CDH8: variants seen among roughly 807,000 people sequenced by gnomAD.
CDH8 encodes cadherin 8.
CDH8 carries 17 observed loss-of-function variants against 68.1 expected under a neutral mutation model. The observed-to-expected ratio is 0.25, with a 90% CI of 0.17 to 0.37. CDH8 has a LOEUF of 0.37. Among genes scored for constraint, CDH8 ranks in the 10% least tolerant of loss-of-function variants. The probability of loss-of-function intolerance (pLI) is 1.00; values close to 1 mark genes in which losing one functional copy is unlikely to be tolerated. For missense variants in CDH8, 763 were observed against 999.3 expected (o/e 0.76, Z 3.19); for synonymous variants, 372 against 365.1 (o/e 1.02, Z -0.21).
chr16:61,960,294 C>CAT (rs1435811908), intron 2 of CDH8, among the ~76,000 whole-genome samples: 1 of 90,358 alleles, frequency 1.1e-5, no homozygotes, highest in African/African-American at 8.1e-5. Context: ...CACATATATA[C>CAT]GTGTGTGTGT....
intron 10 of CDH8, among the ~76,000 whole-genome samples, chr16:61,707,129 A>G (rs1373746703): frequency 6.6e-6 from 1 of 152,120 alleles, no homozygotes; most frequent in Non-Finnish European, 1.5e-5. Flanking sequence ...CATATTATTA[A>G]TCATCTCCCA....
intron 2 of CDH8, among the ~76,000 whole-genome samples, chr16:62,012,237 C>T (rs1183708781): frequency 2.6e-5 from 4 of 152,140 alleles, no homozygotes; most frequent in African/African-American, 9.7e-5. Flanking sequence ...TTACAGGCAA[C>T]CTGTAGGCTG....
At chr16:61,681,089 G>A (rs1417486528) in intron 10 of CDH8, among the ~76,000 whole-genome samples, 1 of 151,874 alleles carries the variant, frequency 6.6e-6, no homozygotes, top group Non-Finnish European at 1.5e-5. Context: ...ATGTACAATG[G>A]GGTAGTCACT....
At chr16:62,034,205 A>G (rs1902396870) in intron 1 of CDH8, among the ~76,000 whole-genome samples, 1 of 151,452 alleles carries the variant, frequency 6.6e-6, no homozygotes. Context: ...ACACACACAC[A>G]CACACACACA....
intron 8 of CDH8, among the ~76,000 whole-genome samples, chr16:61,768,329 T>C (rs1596949453): frequency 2.7e-5 from 3 of 109,956 alleles, no homozygotes; most frequent in African/African-American, 1.1e-4. Context: ...TCTCTCTCTC[T>C]CTCTCTCTCT....
intron 8 of CDH8, among the ~76,000 whole-genome samples, chr16:61,755,486 T>C (rs1439165069): frequency 6.6e-6 from 1 of 152,118 alleles, no homozygotes; most frequent in Non-Finnish European, 1.5e-5. Context: ...ACTGTTACTT[T>C]CAGTTAAATA....
chr16:61,823,006 T>A (rs146522677), intron 5 of CDH8, among the ~76,000 whole-genome samples: 1 of 151,940 alleles, frequency 6.6e-6, no homozygotes, highest in East Asian at 1.9e-4. Flanking sequence ...TTTCTTATAA[T>A]GAAATATGGC....
chr16:61,913,346 A>G (rs1005854925), intron 2 of CDH8, among the ~76,000 whole-genome samples: 59 of 152,282 alleles, frequency 3.9e-4, no homozygotes, highest in African/African-American at 1.4e-3. Context: ...CAGATTTTCA[A>G]TTAGGGATGC....
In CDH8 at chr16:61,652,340, T is replaced by C. The variant is rs1303118143; in HGVS notation, c.*1268A>G. The C allele has an allele frequency of 1.0e-6, 1 of 984,762 alleles. No homozygotes were observed. Among genetic ancestry groups the C allele is most frequent in the African/African-American group, 1.7e-5 (1 of 57,218 alleles). 61.0% of individuals were successfully genotyped at this position (984,762 alleles called of 1,614,324 possible). ...CCTGCTCTAAAACTGTGGGGGTAAATTGAAGCATGTTTATTGGGCAGGGCA... is the reference window on the plus strand; with the variant it reads ...CCTGCTCTAAAACTGTGGGGGTAAACTGAAGCATGTTTATTGGGCAGGGCA... On this transcript the variant is annotated 3_prime_UTR_variant, in exon 12 of 12. Coordinates refer to ENST00000577390, the MANE Select transcript of CDH8 (RefSeq NM_001796.5).
At chr16:61,885,711 CAAA>C (rs5817322) in intron 3 of CDH8, among the ~76,000 whole-genome samples, 15 of 116,396 alleles carry the variant, frequency 1.3e-4, no homozygotes, top group Admixed American at 1.7e-4. Context: ...AATAGCAATC[CAAA>C]AAAAAAAAAA....
chr16:61,661,030 T>C (rs1963546622), intron 10 of CDH8, among the ~76,000 whole-genome samples: 1 of 151,894 alleles, frequency 6.6e-6, no homozygotes, highest in Admixed American at 6.6e-5. Flanking sequence ...AAAAAGACAA[T>C]ATAAATGCAT....
chr16:61,651,314 G>A lies in CDH8; in HGVS notation c.*2294C>T, dbSNP rs544430469. The A allele has an allele frequency of 6.6e-6, 1 of 152,238 alleles. No homozygotes were observed. The highest frequency in any genetic ancestry group is 2.1e-4 in the South Asian group (1 of 4,830). 9.4% of individuals were successfully genotyped at this position (152,238 alleles called of 1,614,324 possible). ...AAGTCCTAGTATATTTTAAAGTCAT[G>A]TTGGACCATCCCTTTGACCTCAAGA... On this transcript the variant is annotated 3_prime_UTR_variant, in exon 12 of 12. Transcript: ENST00000577390.
At chr16:61,819,305 G>A (rs1361531133) in intron 6 of CDH8, among the ~76,000 whole-genome samples, 2 of 151,958 alleles carry the variant, frequency 1.3e-5, no homozygotes, top group Non-Finnish European at 2.9e-5. Context: ...TATAGTATAT[G>A]CTTCCAAGTT....
chr16:62,015,208 T>C (rs551206891), intron 2 of CDH8, among the ~76,000 whole-genome samples: 38 of 152,294 alleles, frequency 2.5e-4, no homozygotes, highest in African/African-American at 8.9e-4. Context: ...TATAGAAAAT[T>C]TCCCTCAGGC....
intron 2 of CDH8, among the ~76,000 whole-genome samples, chr16:62,014,263 C>T (rs1175828041): frequency 6.6e-6 from 1 of 152,100 alleles, no homozygotes; most frequent in Non-Finnish European, 1.5e-5. Context: ...TAATATTATT[C>T]TCTTTATTTA....
At chr16:61,957,007 T>C (rs975168308) in intron 2 of CDH8, among the ~76,000 whole-genome samples, 1 of 152,212 alleles carries the variant, frequency 6.6e-6, no homozygotes, top group Non-Finnish European at 1.5e-5. Context: ...TATTTCCAAC[T>C]GATTTTCAGA....
chr16:61,738,358 T>C (rs1266291388), intron 8 of CDH8, among the ~76,000 whole-genome samples: 3 of 152,188 alleles, frequency 2.0e-5, no homozygotes, highest in Non-Finnish European at 2.9e-5. Context: ...GAGTTCTGTA[T>C]AACCACTTGG....
At chr16:61,849,258 C>T (rs1342743434) in intron 4 of CDH8, among the ~76,000 whole-genome samples, 1 of 151,724 alleles carries the variant, frequency 6.6e-6, no homozygotes, top group East Asian at 1.9e-4. Context: ...TTTGAAAGAC[C>T]TGTCTCCCGC....
chr16:61,768,314 T>TTCTCTCTCTCTCTCTCTCTCTCTC lies in CDH8; in HGVS notation c.1414+21008_1414+21031dup, dbSNP rs1206629963. 4.1e-4 allele frequency among the ~76,000 whole-genome samples: 7 copies of TTCTCTCTCTCTCTCTCTCTCTCTC among 17,206 alleles called. 1 individual carries two copies. Among genetic ancestry groups the TTCTCTCTCTCTCTCTCTCTCTCTC allele is most frequent in the Admixed American group, 1.7e-3 (2 of 1,168 alleles). 11.3% of individuals were successfully genotyped at this position (17,206 alleles called of 152,430 possible). On this transcript the variant is annotated intron_variant, in intron 8 of 11. Transcript: ENST00000577390. ...AGGCTCTCTCTCTGTGTCTCTCCCT[T>TTCTCTCTCTCTCTCTCTCTCTCTC]TCTCTCTCTCTCTCTCTCTCTCTCT... is the stretch of plus-strand genomic sequence containing the variant.
Sources: allele counts gnomAD v4.1 joint callset (sites outside exome capture counted in the v4.1 genomes callset), GRCh38; gene constraint gnomAD v4.1.1; transcripts MANE v1.5; gene names NCBI Gene and HGNC (gene_info 2026-07-23, HGNC 2026-07-21).